Variants in SYNE2 observed in about 807,000 individuals in gnomAD.
SYNE2 encodes spectrin repeat containing nuclear envelope protein 2, also known as nesprin-2.
A neutral mutation model predicts 856.3 loss-of-function variants in SYNE2; 431 were observed. That is an observed-to-expected ratio of 0.50 (90% confidence interval 0.47 to 0.55). SYNE2 has a LOEUF of 0.55. SYNE2 is among the 20% of genes least tolerant of loss of function. The probability of loss-of-function intolerance (pLI) is 0.00; values close to 1 mark genes in which losing one functional copy is unlikely to be tolerated. For synonymous variants in SYNE2, 2,923 were observed against 2,872.3 expected (o/e 1.02, Z -0.56); for missense variants, 8,129 against 8,023.2 (o/e 1.01, Z -0.50).
At position 64,208,921 on chromosome 14, in the gene SYNE2, C is replaced by T; in HGVS notation, c.18365C>T (p.Ala6122Val). Reference sequence around the variant, plus strand: ...GACAGACGCTGGAGGAACATTTGTGCCATGTCCATGGAGCGGCGCATGAAG... The same window carrying T: ...GACAGACGCTGGAGGAACATTTGTGTCATGTCCATGGAGCGGCGCATGAAG... ...SLDRRWRNIC[A>V]MSMERRMKIE... Residue 6122 changes from alanine (A) to valine (V), a missense_variant, in exon 101 of 116, where the codon GCC (alanine) becomes GTC (valine). Around this residue, in one of 3 missense-constraint regions of SYNE2, gnomAD observed 5,410 missense variants for 5,284.8 expected, o/e 1.02. Transcript: ENST00000555002. 6.2e-7 allele frequency: 1 copy of T among 1,614,052 alleles called. No individual in the cohort carries two copies. The highest frequency in any genetic ancestry group is 1.3e-5 in the African/African-American group (1 of 75,032).
chr14:63,954,440 G>A (rs2096213846), intron 7 of SYNE2, among the ~76,000 whole-genome samples: 1 of 152,150 alleles, frequency 6.6e-6, no homozygotes, highest in South Asian at 2.1e-4. Context: ...GTAGGTATGG[G>A]ATTCGGCCTG....
chr14:64,055,614 A>C (rs927303369), intron 48 of SYNE2, among the ~76,000 whole-genome samples: 6 of 151,820 alleles, frequency 4.0e-5, no homozygotes, highest in African/African-American at 1.5e-4. Context: ...TGATCCACCC[A>C]CCTCGGCCTC....
intron 100 of SYNE2, among the ~76,000 whole-genome samples, chr14:64,206,329 C>G (rs949178110): frequency 3.9e-5 from 6 of 152,198 alleles, no homozygotes; most frequent in African/African-American, 1.4e-4. Context: ...TGGACAGTTT[C>G]TAAAACCTGA....
At chr14:64,037,927 G>T (rs1475673311) in intron 45 of SYNE2, among the ~76,000 whole-genome samples, 2 of 151,586 alleles carry the variant, frequency 1.3e-5, no homozygotes, top group East Asian at 2.0e-4. Flanking sequence ...CGGGCGGCTG[G>T]CCGGGCGGGG....
intron 88 of SYNE2, 168 bp downstream of exon 88, chr14:64,162,444 G>A: frequency 1.4e-6 from 1 of 729,702 alleles, no homozygotes; most frequent in Non-Finnish European, 2.4e-6. Context: ...CCAGGTGGTG[G>A]CTCAGAGGTG....
In SYNE2 at chr14:64,145,285, C is replaced by T. The variant is rs553210376; in HGVS notation, c.15484-783C>T. On this transcript the variant is annotated intron_variant, in intron 83 of 115. Coordinates refer to ENST00000555002, the MANE Select transcript of SYNE2 (RefSeq NM_182914.3). ...GGGCGTGGTGGCTTATGCCTGTAAT[C>T]CCAGCACTTTGGGAGGCCGAGGCGG... is the stretch of plus-strand genomic sequence containing the variant. Among the ~76,000 whole-genome samples, 13 of 151,714 alleles carry T rather than the reference C, an allele frequency of 8.6e-5. No homozygotes were observed. The South Asian group carries it at 2.7e-3, about 32-fold the overall frequency.
rs1466245336 is a variant in SYNE2 at position 64,100,527 on chromosome 14, AAAAAATATATATAT to A, written c.12382-1403_12382-1390del. ...GCAAAACTGTCTCAAAAAAAAAAAA[AAAAAATATATATAT>A]ATATATATATATATATATATATATA... On this transcript the variant is annotated intron_variant, in intron 63 of 115. Coordinates refer to ENST00000555002, the MANE Select transcript of SYNE2 (RefSeq NM_182914.3). Among the ~76,000 whole-genome samples the A allele has an allele frequency of 1.3e-3, 88 of 66,226 alleles. 6 individuals carry two copies. The East Asian group carries it at 0.016, about 12-fold the overall frequency. The allele number at this position is 66,226 out of a possible 152,430, so 43.4% of individuals were successfully genotyped here.
intron 6 of SYNE2, among the ~76,000 whole-genome samples, chr14:63,948,690 G>GTA (rs1202003794): frequency 0.02 from 2,169 of 106,544 alleles, 87 homozygotes; most frequent in South Asian, 0.033. Context: ...ATATATGTGT[G>GTA]TATATATATA....
At chr14:64,087,429 G>A (rs755294885) in intron 57 of SYNE2, 2 of 662,012 alleles carry the variant, frequency 3.0e-6, no homozygotes, top group South Asian at 2.8e-5. Context: ...GATTCCAAGT[G>A]TTTTAGAAGT....
intron 65 of SYNE2, among the ~76,000 whole-genome samples, chr14:64,109,188 T>C (rs2097789898): frequency 1.3e-5 from 2 of 151,746 alleles, no homozygotes; most frequent in African/African-American, 4.8e-5. Context: ...TTAGCTACAG[T>C]AGCCATTCTG....
intron 32 of SYNE2, among the ~76,000 whole-genome samples, chr14:64,015,234 C>G (rs1356469769): frequency 6.6e-6 from 1 of 151,276 alleles, no homozygotes; most frequent in Admixed American, 6.6e-5. Flanking sequence ...GTTTCTTTCT[C>G]TTCAGTTTTC....
intron 61 of SYNE2, among the ~76,000 whole-genome samples, chr14:64,094,591 G>A (rs905482568): frequency 2.0e-4 from 31 of 152,280 alleles, no homozygotes; most frequent in Admixed American, 1.7e-3. Flanking sequence ...CTACTCGCCA[G>A]CTGTGAGACC....
rs937196902 is a variant in SYNE2, at chr14:63,949,715, A to G, written c.409-110A>G. 4.6e-6 allele frequency: 5 copies of G among 1,082,348 alleles called. No individual in the cohort carries two copies. In the Admixed American group the frequency reaches 5.1e-5, roughly 11 times the overall value. 67.0% of individuals were successfully genotyped at this position (1,082,348 alleles called of 1,614,324 possible). On this transcript the variant is annotated intron_variant, in intron 6 of 115. Coordinates refer to ENST00000555002, the MANE Select transcript of SYNE2 (RefSeq NM_182914.3). ...CCAGTATTCATTTCACCAGGAGTAA[A>G]CTATGACTGTCACAGGATGCTTTTT...
At position 64,000,618 on chromosome 14, in the gene SYNE2, G is replaced by A. The variant is rs757363538; in HGVS notation, c.3537G>A (p.Lys1179=). 3 of 1,613,522 alleles carry A rather than the reference G, an allele frequency of 1.9e-6. No homozygotes were observed. In the African/African-American group the frequency reaches 4.0e-5, roughly 22 times the overall value. ...AAGAGTTTGAAATTATTTCATTGAA[G>A]TTAGAAAATCATGTGAATGACATAA... ...RWKEFEIISL[K]LENHVNDIKK... The change falls in exon 28 of 116, where the codon AAG becomes AAA. Residue 1179 remains lysine, a synonymous_variant. Transcript: ENST00000555002.
At position 63,824,371 on chromosome 14, in the gene SYNE2, G is replaced by A. The variant is rs146579966; in HGVS notation, c.-304-28130G>A. Among the ~76,000 whole-genome samples the A allele has an allele frequency of 3.1e-3, 476 of 152,234 alleles. 1 individual carries two copies. Among genetic ancestry groups the A allele is most frequent in the Non-Finnish European group, 4.9e-3 (333 of 68,018 alleles). On this transcript the variant is annotated intron_variant, in intron 1 of 23. Coordinates refer to the SYNE2 transcript ENST00000674003. ...ATGCATAACTAGGCCGAGTGCGGTG[G>A]CTCACCTCTGTAATACCAGCACTTT...
Position 64,142,072 on chromosome 14 carries a change from T to A in SYNE2, c.15290T>A (p.Leu5097His). The A allele has an allele frequency of 6.2e-7, 1 of 1,611,958 alleles. No homozygotes were observed. The highest frequency in any genetic ancestry group is 2.2e-5 in the East Asian group (1 of 44,856). The change falls in exon 82 of 116, where the codon CTT becomes CAT. Residue 5097 changes from leucine (L) to histidine (H), a missense_variant. Physicochemically the swap from Leu to His is moderately conservative, Grantham distance 99. Transcript: ENST00000555002. ...AGTTCTGCATCTCAAGTTAAACATC[T>A]TCTTCAGAAGCACAAGGTAATTATG... ...SPSSASQVKH[L>H]LQKHKEFRME...
Position 63,817,393 on chromosome 14 carries a change from G to A in SYNE2, c.-304-35108G>A, listed in dbSNP as rs571458259. ...GTGATGGGAGGATAGCTTGAGCCTG[G>A]GAGGCAGAGGTTGCAGTAACCTGTG... On this transcript the variant is annotated intron_variant, in intron 1 of 23. Coordinates refer to the SYNE2 transcript ENST00000674003. Among the ~76,000 whole-genome samples the A allele has an allele frequency of 3.3e-5, 5 of 152,232 alleles. No homozygotes were observed. The South Asian group carries it at 1.0e-3, about 32-fold the overall frequency.
At chr14:64,042,870 A>C (rs2097159286) in intron 45 of SYNE2, among the ~76,000 whole-genome samples, 1 of 152,226 alleles carries the variant, frequency 6.6e-6, no homozygotes, top group Non-Finnish European at 1.5e-5. Flanking sequence ...AAGATACCTG[A>C]AAATGTGGAA....
chr14:64,026,417 G>A lies in SYNE2; in HGVS notation c.6253-162G>A, dbSNP rs79535351. Among the ~76,000 whole-genome samples, 173 of 152,230 alleles carry A rather than the reference G, an allele frequency of 1.1e-3. 3 individuals carry two copies. In the South Asian group the frequency reaches 0.015, roughly 13 times the overall value. ...TATGGAGAACTATATATAATGTGAA[G>A]AGAGATATCTTTGTCTTTCGGGTAC... On this transcript the variant is annotated intron_variant, in intron 41 of 115. Transcript: ENST00000555002.
Sources: allele counts gnomAD v4.1 joint callset (sites outside exome capture counted in the v4.1 genomes callset), GRCh38; gene constraint gnomAD v4.1.1; regional missense constraint gnomAD v4.1.1; transcripts MANE v1.5; gene names NCBI Gene and HGNC (gene_info 2026-07-23, HGNC 2026-07-21).